Variants in ADAMTS6 observed in about 807,000 individuals in gnomAD.
ADAMTS6 encodes the protein ADAM metallopeptidase with thrombospondin type 1 motif 6, also known as A disintegrin and metalloproteinase with thrombospondin motifs 6.
ADAMTS6 carries 23 observed loss-of-function variants against 144.3 expected under a neutral mutation model. That is an observed-to-expected ratio of 0.16 (90% CI 0.11 to 0.23). The LOEUF (loss-of-function observed/expected upper bound fraction) is 0.23. ADAMTS6 is among the 10% of genes least tolerant of loss of function. ADAMTS6 has a pLI of 1.00. For missense variants in ADAMTS6, 999 were observed against 1,379.6 expected, an observed-to-expected ratio of 0.72 and a Z score of 4.37; for synonymous variants, 444 against 457.5, an observed-to-expected ratio of 0.97 and a Z score of 0.38.
At chr5:65,368,020 A>G (rs1580507616) in intron 7 of ADAMTS6, among the ~76,000 whole-genome samples, 2 of 152,238 alleles carry the variant, frequency 1.3e-5, no homozygotes, top group African/African-American at 2.4e-5. Flanking sequence ...ATCAAAGGCT[A>G]AAAGTCTACT....
At chr5:65,228,989 T>C (rs1757935220) in intron 15 of ADAMTS6, among the ~76,000 whole-genome samples, 1 of 152,150 alleles carries the variant, frequency 6.6e-6, no homozygotes, top group African/African-American at 2.4e-5. Flanking sequence ...AACAGTTGCC[T>C]CAAAAACTCT....
chr5:65,294,920 C>A (rs1742686689), intron 10 of ADAMTS6, among the ~76,000 whole-genome samples: 1 of 150,696 alleles, frequency 6.6e-6, no homozygotes, highest in South Asian at 2.1e-4. Context: ...TCTAATTATT[C>A]ATCTGCCAGT....
At position 65,226,340 on chromosome 5, in the gene ADAMTS6, T is replaced by G. The variant is rs1329788468; in HGVS notation, c.1934-121A>C. On this transcript the variant is annotated intron_variant, in intron 15 of 24. Transcript: ENST00000381055. Reference sequence around the variant, plus strand: ...ATCATTCCCTGCTTATATGCCTGATTGTGTAGGTTTCTTTCCCCCTTTTCT... The same window carrying G: ...ATCATTCCCTGCTTATATGCCTGATGGTGTAGGTTTCTTTCCCCCTTTTCT... 5 of 1,005,020 alleles carry G rather than the reference T, an allele frequency of 5.0e-6. No homozygotes were observed. The East Asian group carries it at 1.5e-4, about 30-fold the overall frequency. The allele number at this position is 1,005,020 out of a possible 1,614,324, so 62.3% of individuals were successfully genotyped here. A position where few individuals can be genotyped will look rare whatever the true frequency, so the allele number is the denominator to read the frequency against.
chr5:65,212,501 A>C (rs867153713), intron 20 of ADAMTS6, among the ~76,000 whole-genome samples: 1 of 151,600 alleles, frequency 6.6e-6, no homozygotes. Context: ...TATGGAAAAA[A>C]ATAACACTCA....
At chr5:65,300,687 A>G (rs1743276988) in intron 9 of ADAMTS6, among the ~76,000 whole-genome samples, 1 of 151,452 alleles carries the variant, frequency 6.6e-6, no homozygotes, top group African/African-American at 2.4e-5. Flanking sequence ...GCTGGAGTGC[A>G]GTGGCGCGAA....
At chr5:65,379,356 G>C (rs1056782207) in intron 7 of ADAMTS6, among the ~76,000 whole-genome samples, 1 of 152,128 alleles carries the variant, frequency 6.6e-6, no homozygotes, top group East Asian at 1.9e-4. Context: ...AGAGATACAT[G>C]AAAGTTTGTA....
chr5:65,235,168 A>G (rs1254352826), intron 15 of ADAMTS6, among the ~76,000 whole-genome samples: 1 of 152,186 alleles, frequency 6.6e-6, no homozygotes, highest in African/African-American at 2.4e-5. Context: ...AGAATAATGT[A>G]TAGTATACTT....
chr5:65,279,459 GGCGC>G (rs1412049098), intron 11 of ADAMTS6, among the ~76,000 whole-genome samples: 11 of 152,128 alleles, frequency 7.2e-5, no homozygotes, highest in Admixed American at 6.5e-4. Context: ...TGGGATTACA[GGCGC>G]CTGCCACCAT....
intron 3 of ADAMTS6, among the ~76,000 whole-genome samples, chr5:65,467,817 G>C (rs1760139799): frequency 6.6e-6 from 1 of 152,160 alleles, no homozygotes; most frequent in South Asian, 2.1e-4. Flanking sequence ...CTCAGAAAGA[G>C]AAAGATGTGG....
chr5:65,372,093 C>T lies in ADAMTS6; in HGVS notation c.1074-38008G>A, dbSNP rs977831288. On this transcript the variant is annotated intron_variant, in intron 7 of 24. Coordinates refer to ENST00000381055, the MANE Select transcript of ADAMTS6 (RefSeq NM_197941.4). ...ATGCTGAGAGATTTTGTCACCACCA[C>T]GCCTGCCCTAAAAGAGCTCCTGAAG... 4.4e-4 allele frequency among the ~76,000 whole-genome samples: 67 copies of T among 151,322 alleles called. 1 individual carries two copies. Among genetic ancestry groups the T allele is most frequent in the East Asian group, 2.3e-3 (12 of 5,166 alleles).
chr5:65,290,143 C>G (rs1742147914), intron 11 of ADAMTS6, among the ~76,000 whole-genome samples: 1 of 152,148 alleles, frequency 6.6e-6, no homozygotes, highest in Admixed American at 6.6e-5. Context: ...GAAAACACTT[C>G]CTTTTATTCT....
chr5:65,180,623 T>G (rs1313047340), intron 22 of ADAMTS6, among the ~76,000 whole-genome samples: 1 of 152,160 alleles, frequency 6.6e-6, no homozygotes, highest in Non-Finnish European at 1.5e-5. Flanking sequence ...TTCCTCCTCT[T>G]GCCTCACTCA....
At chr5:65,273,123 G>A (rs1391296626) in intron 12 of ADAMTS6, among the ~76,000 whole-genome samples, 1 of 152,052 alleles carries the variant, frequency 6.6e-6, no homozygotes, top group Non-Finnish European at 1.5e-5. Context: ...CAAAATAAAG[G>A]TGAAACTGAC....
At chr5:65,201,776 TAA>T (rs1262263981) in intron 20 of ADAMTS6, among the ~76,000 whole-genome samples, 2 of 152,140 alleles carry the variant, frequency 1.3e-5, no homozygotes, top group Non-Finnish European at 2.9e-5. Flanking sequence ...GAGGTAACAT[TAA>T]AAAGTCAGAG....
chr5:65,414,675 T>C (rs564477205), intron 7 of ADAMTS6, among the ~76,000 whole-genome samples: 12 of 152,270 alleles, frequency 7.9e-5, no homozygotes, highest in African/African-American at 2.9e-4. Flanking sequence ...GCTAGAACAT[T>C]AAAAAATATA....
intron 20 of ADAMTS6, among the ~76,000 whole-genome samples, chr5:65,207,382 C>T (rs1205396507): frequency 6.6e-6 from 1 of 152,036 alleles, no homozygotes; most frequent in Non-Finnish European, 1.5e-5. Context: ...TATAAAATAT[C>T]GTATGTATTT....
intron 10 of ADAMTS6, 86 bp from the exon 11 acceptor site, chr5:65,291,556 T>A: frequency 1.5e-6 from 2 of 1,377,502 alleles, no homozygotes; most frequent in Non-Finnish European, 1.9e-6. Flanking sequence ...GAGCTTTGTT[T>A]TAATAACTTG....
At chr5:65,240,860 T>G (rs1429408241) in intron 15 of ADAMTS6, among the ~76,000 whole-genome samples, 1 of 152,168 alleles carries the variant, frequency 6.6e-6, no homozygotes, top group East Asian at 1.9e-4. Flanking sequence ...TGTATCTCAA[T>G]AGGATTTTTT....
At chr5:65,349,181 T>C (rs971809754) in intron 7 of ADAMTS6, among the ~76,000 whole-genome samples, 7 of 151,962 alleles carry the variant, frequency 4.6e-5, no homozygotes, top group African/African-American at 1.7e-4. Context: ...AAAGAAAAAA[T>C]TTCTATTGTT....
Sources: allele counts gnomAD v4.1 joint callset (sites outside exome capture counted in the v4.1 genomes callset), GRCh38; gene constraint gnomAD v4.1.1; transcripts MANE v1.5; gene names NCBI Gene and HGNC (gene_info 2026-07-23, HGNC 2026-07-21).